NUSAP1: variants seen among roughly 807,000 people sequenced by gnomAD.
The protein encoded by NUSAP1 is nucleolar and spindle-associated protein 1.
In NUSAP1, 32 loss-of-function variants were observed where a neutral mutation model predicts 52.8. The observed-to-expected ratio is 0.61, with a 90% confidence interval of 0.46 to 0.81. NUSAP1 has a LOEUF of 0.81. Among genes scored for constraint, NUSAP1 ranks in the 40% least tolerant of loss-of-function variants. The probability of loss-of-function intolerance (pLI) is 0.00; values close to 1 mark genes in which losing one functional copy is unlikely to be tolerated. For missense variants in NUSAP1, 499 were observed against 522.3 expected, an observed-to-expected ratio of 0.96 and a Z score of 0.43; for synonymous variants, 195 against 183.1, an observed-to-expected ratio of 1.06 and a Z score of -0.52.
rs2050171408 is a variant in NUSAP1, at chr15:41,380,608, GA to G, written c.*425del. ...AACAAGAATAGGGTAAGCTGGGATAGAAAGGCCACCTCTTCACTCTCTATAG... is the reference window on the plus strand; with the variant it reads ...AACAAGAATAGGGTAAGCTGGGATAGAAGGCCACCTCTTCACTCTCTATAG... On this transcript the variant is annotated 3_prime_UTR_variant, in exon 11 of 11. Transcript: ENST00000559596. The G allele has an allele frequency of 6.2e-6, 1 of 160,606 alleles. No individual in the cohort carries two copies. The highest frequency in any genetic ancestry group is 1.7e-4 in the South Asian group (1 of 5,724). The allele number at this position is 160,606 out of a possible 1,614,324, so 9.9% of individuals were successfully genotyped here. A position where few individuals can be genotyped will look rare whatever the true frequency, so the allele number is the denominator to read the frequency against.
At chr15:41,375,499 G>C (rs568987317) in intron 8 of NUSAP1, among the ~76,000 whole-genome samples, 77 of 152,102 alleles carry the variant, frequency 5.1e-4, no homozygotes, top group Non-Finnish European at 9.4e-4. Flanking sequence ...TTTTTGTGGA[G>C]ACAGGGTTTC....
At chr15:41,377,738 C>T (rs565221362) in intron 10 of NUSAP1, among the ~76,000 whole-genome samples, 28 of 148,542 alleles carry the variant, frequency 1.9e-4, no homozygotes, top group African/African-American at 6.2e-4. Flanking sequence ...GGCACGGTGG[C>T]TCACGCCTGT....
chr15:41,351,197 A>G (rs1475703282), intron 4 of NUSAP1, 68 bp downstream of exon 4: 3 of 1,504,652 alleles, frequency 2.0e-6, no homozygotes, highest in South Asian at 1.2e-5. Flanking sequence ...AGCCAGGTAC[A>G]TTAATTTCCT....
intron 1 of NUSAP1, among the ~76,000 whole-genome samples, chr15:41,334,868 G>GA (rs1490083568): frequency 6.6e-6 from 1 of 152,104 alleles, no homozygotes; most frequent in Non-Finnish European, 1.5e-5. Context: ...ATTTATATGT[G>GA]AATCAAGTAT....
At chr15:41,373,090 CA>C (rs1311986817) in intron 8 of NUSAP1, among the ~76,000 whole-genome samples, 56 of 140,764 alleles carry the variant, frequency 4.0e-4, no homozygotes, top group Non-Finnish European at 3.7e-4. Flanking sequence ...AACCCTGTCT[CA>C]AAAAAAAAAA....
chr15:41,343,716 C>T (rs954171075), intron 2 of NUSAP1, among the ~76,000 whole-genome samples: 1 of 151,278 alleles, frequency 6.6e-6, no homozygotes, highest in Non-Finnish European at 1.5e-5. Flanking sequence ...GTCTCAAACT[C>T]CTGACCTCAG....
intron 4 of NUSAP1, among the ~76,000 whole-genome samples, chr15:41,355,690 T>C (rs1392323346): frequency 6.6e-6 from 1 of 152,026 alleles, no homozygotes; most frequent in Non-Finnish European, 1.5e-5. Flanking sequence ...GTTTTTGTTT[T>C]TTTAGAGGTG....
Position 41,333,034 on chromosome 15 carries a change from T to A in NUSAP1, c.77T>A (p.Leu26His), listed in dbSNP as rs1327962724. ...DLQNLAKSLGLRANLRATKLL... is the reference protein window; with the variant it reads ...DLQNLAKSLGHRANLRATKLL... ...CAGAACTTAGCCAAGAGTCTGGGTCTCCGGGCCAACCTGAGGGTACGGCGC... is the reference window on the plus strand; with the variant it reads ...CAGAACTTAGCCAAGAGTCTGGGTCACCGGGCCAACCTGAGGGTACGGCGC... The change falls in exon 1 of 11, where the codon CTC becomes CAC. Residue 26 changes from leucine to histidine, a missense_variant. Transcript: ENST00000559596. 6 of 1,610,476 alleles carry A rather than the reference T, an allele frequency of 3.7e-6. No homozygotes were observed. Among genetic ancestry groups the A allele is most frequent in the Admixed American group, 1.7e-5 (1 of 59,480 alleles).
chr15:41,368,611 T>C (rs2049517872), intron 7 of NUSAP1, among the ~76,000 whole-genome samples: 1 of 152,106 alleles, frequency 6.6e-6, no homozygotes, highest in Non-Finnish European at 1.5e-5. Context: ...ACTTCTAATA[T>C]CAAAACTTTA....
At chr15:41,342,253 C>T (rs1435340161) in intron 1 of NUSAP1, 133 bp from the exon 2 acceptor site, 1 of 640,916 alleles carries the variant, frequency 1.6e-6, no homozygotes, top group African/African-American at 1.9e-5. Flanking sequence ...GAGACCCATT[C>T]TTTCTAAGTA....
intron 10 of NUSAP1, among the ~76,000 whole-genome samples, chr15:41,378,523 C>T (rs1212870013): frequency 1.3e-5 from 2 of 152,198 alleles, no homozygotes; most frequent in East Asian, 1.9e-4. Context: ...AGGTGGCTCA[C>T]GCCTGTAATC....
chr15:41,373,077 T>G (rs994491062), intron 8 of NUSAP1, among the ~76,000 whole-genome samples: 12 of 150,108 alleles, frequency 8.0e-5, no homozygotes, highest in Non-Finnish European at 1.8e-4. Flanking sequence ...GGCAACACAG[T>G]GAAACCCTGT....
chr15:41,348,846 C>T (rs2048677997), intron 2 of NUSAP1, among the ~76,000 whole-genome samples: 1 of 151,700 alleles, frequency 6.6e-6, no homozygotes, highest in South Asian at 2.1e-4. Context: ...CTATGTCAAC[C>T]AGGCTGGTCT....
At position 41,361,239 on chromosome 15, in the gene NUSAP1, C is replaced by T. The variant is rs1265124906; in HGVS notation, c.660+2981C>T. On this transcript the variant is annotated intron_variant, in intron 6 of 10. Transcript: ENST00000559596. ...AGAAACCCCATCTTTACTAAAAATA[C>T]AAAATTATCTTGGCATGGTGGCGCA... Among the ~76,000 whole-genome samples, 6 of 151,578 alleles carry T rather than the reference C, an allele frequency of 4.0e-5. No individual in the cohort carries two copies. The East Asian group carries it at 1.2e-3, about 30-fold the overall frequency.
At chr15:41,341,424 A>G (rs527558021) in intron 1 of NUSAP1, among the ~76,000 whole-genome samples, 1 of 152,226 alleles carries the variant, frequency 6.6e-6, no homozygotes, top group East Asian at 1.9e-4. Flanking sequence ...TTCTTTCAGG[A>G]AAGAACAAGA....
intron 6 of NUSAP1, 64 bp from the exon 7 acceptor site, chr15:41,365,338 G>A: frequency 7.4e-7 from 1 of 1,357,848 alleles, no homozygotes; most frequent in Non-Finnish European, 1.0e-6. Flanking sequence ...TGTATTTTTA[G>A]TAGAGATGGG....
intron 8 of NUSAP1, 98 bp downstream of exon 8, chr15:41,371,782 T>G (rs763032505): frequency 4.3e-5 from 60 of 1,385,852 alleles, no homozygotes; most frequent in African/African-American, 6.0e-5. Flanking sequence ...TTGTTTGTTT[T>G]TTTCTGAGAT....
At chr15:41,350,220 C>T (rs565919396) in intron 3 of NUSAP1, among the ~76,000 whole-genome samples, 7 of 152,174 alleles carry the variant, frequency 4.6e-5, no homozygotes, top group Non-Finnish European at 8.8e-5. Flanking sequence ...TGAACAAAGA[C>T]TGAGCGGGTT....
chr15:41,359,359 AAAT>A (rs1220373856), intron 6 of NUSAP1, among the ~76,000 whole-genome samples: 3 of 152,184 alleles, frequency 2.0e-5, no homozygotes, highest in Non-Finnish European at 2.9e-5. Context: ...CCTATTCTCA[AAAT>A]AATGTAAGTT....
Sources: gnomAD v4.1 joint callset for allele counts (sites outside exome capture counted in the v4.1 genomes callset) on GRCh38, gnomAD v4.1.1 for gene constraint, MANE v1.5 for transcripts, NCBI Gene and HGNC (gene_info 2026-07-23, HGNC 2026-07-21) for gene names.